Variants in TAAR1 observed in about 807,000 individuals in gnomAD.
TAAR1 encodes the protein trace amine associated receptor 1, also known as trace amine-associated receptor 1.
A neutral mutation model predicts 1.2 loss-of-function variants in TAAR1; 1 was observed. That is an observed-to-expected ratio of 0.81 (90% confidence interval 0.29 to 3.86). The LOEUF (loss-of-function observed/expected upper bound fraction) is 3.86. TAAR1 is among the 30% of genes most tolerant of loss of function. TAAR1 has a pLI of 0.18. For missense variants in TAAR1, 445 were observed against 405.6 expected (o/e 1.10, Z -0.83); for synonymous variants, 153 against 132.2 (o/e 1.16, Z -1.08).
At chr6:132,655,391 T>C (rs1342313146) in intron 1 of TAAR1, among the ~76,000 whole-genome samples, 1 of 130,504 alleles carries the variant, frequency 7.7e-6, no homozygotes. Flanking sequence ...TTTTTTTTTT[T>C]TTTTTTGAAA....
At position 132,644,151 on chromosome 6, in the gene TAAR1, A is replaced by G. The variant is rs1435156106; in HGVS notation, c.*833T>C. Among the ~76,000 whole-genome samples the G allele has an allele frequency of 2.0e-5, 3 of 152,022 alleles. No individual in the cohort carries two copies. Among genetic ancestry groups the G allele is most frequent in the Non-Finnish European group, 2.9e-5 (2 of 67,946 alleles). ...GAATTAACAATAGGGAATGGTTAAA[A>G]ATATATTTGTACATCTGTGCAGTCA... On this transcript the variant is annotated 3_prime_UTR_variant, in exon 2 of 2. Transcript: ENST00000275216.
rs1056270007 is a variant in TAAR1, at chr6:132,645,673, T to C, written c.331A>G (p.Ile111Val). 1.2e-6 allele frequency: 2 copies of C among 1,613,358 alleles called. No individual in the cohort carries two copies. Among genetic ancestry groups the C allele is most frequent in the South Asian group, 2.2e-5 (2 of 91,052 alleles). Residue 111 changes from isoleucine (I) to valine (V), a missense_variant, in exon 2 of 2, where the codon ATT becomes GTT. Transcript: ENST00000275216. Reference protein sequence around the residue: ...STDIMLSSASIFHLSFISIDR... With the variant: ...STDIMLSSASVFHLSFISIDR... ...ATGGAGATGAAAGACAAATGGAAAATGGAGGCTGAGCTCAGCATAATGTCG... is the reference window on the plus strand; with the variant it reads ...ATGGAGATGAAAGACAAATGGAAAACGGAGGCTGAGCTCAGCATAATGTCG...
intron 1 of TAAR1, among the ~76,000 whole-genome samples, chr6:132,656,795 G>GT (rs1220235430): frequency 6.6e-6 from 1 of 152,180 alleles, no homozygotes; most frequent in Admixed American, 6.5e-5. Flanking sequence ...ATAGAATGAG[G>GT]TTAGAAATTA....
At chr6:132,652,214 G>A (rs1358776697) in intron 1 of TAAR1, among the ~76,000 whole-genome samples, 1 of 151,670 alleles carries the variant, frequency 6.6e-6, no homozygotes, top group African/African-American at 2.4e-5. Context: ...AATACTTTTG[G>A]CCTTCAGGTG....
At chr6:132,654,639 T>A (rs1041388067) in intron 1 of TAAR1, among the ~76,000 whole-genome samples, 1 of 152,204 alleles carries the variant, frequency 6.6e-6, no homozygotes, top group Non-Finnish European at 1.5e-5. Context: ...ATTCAAGGGC[T>A]TATAGCACCC....
chr6:132,646,173 C>T (rs1260463549), intron 1 of TAAR1, among the ~76,000 whole-genome samples, 44 bp from the exon 2 acceptor site: 2 of 152,198 alleles, frequency 1.3e-5, no homozygotes, highest in African/African-American at 4.8e-5. Context: ...AATTTGAGTC[C>T]TCTCACTTCT....
intron 1 of TAAR1, among the ~76,000 whole-genome samples, chr6:132,655,021 C>T (rs536102388): frequency 6.6e-6 from 1 of 152,108 alleles, no homozygotes; most frequent in East Asian, 1.9e-4. Context: ...GTCTTCATGA[C>T]CGCCAAAAAA....
In TAAR1 at chr6:132,645,587, A is replaced by T; in HGVS notation, c.417T>A (p.Val139=). 1 of 1,613,714 alleles carries T rather than the reference A, an allele frequency of 6.2e-7. No individual in the cohort carries two copies. The highest frequency in any genetic ancestry group is 1.1e-5 in the South Asian group (1 of 91,068). Residue 139 remains valine (V), a synonymous_variant, in exon 2 of 2, where the codon GTT becomes GTA. Coordinates refer to ENST00000275216, the MANE Select transcript of TAAR1 (RefSeq NM_138327.4). ...AACTAATGAAGATCATCACACAAAT[A>T]ACCAAGATATTCATCTTGGCTTTAT... ...LRYKAKMNIL[V]ICVMIFISWS...
intron 1 of TAAR1, among the ~76,000 whole-genome samples, chr6:132,655,168 A>T (rs950830337): frequency 2.0e-5 from 3 of 152,190 alleles, no homozygotes; most frequent in African/African-American, 7.2e-5. Context: ...ACTTTAAATA[A>T]AATTTAGTAG....
chr6:132,645,306 A>G lies in TAAR1; in HGVS notation c.698T>C (p.Ile233Thr), dbSNP rs374330785. The G allele has an allele frequency of 6.8e-6, 11 of 1,613,616 alleles. No homozygotes were observed. Among genetic ancestry groups the G allele is most frequent in the African/African-American group, 4.0e-5 (3 of 75,008 alleles). The stretch of plus-strand genomic sequence containing the variant: ...AATTCCATTTTTCATTTCCAATCCA[A>G]TTTGGAGCTTCTGATTGGCATCACT... Reference protein sequence around the residue: ...LISDANQKLQIGLEMKNGISQ... With the variant: ...LISDANQKLQTGLEMKNGISQ... The change falls in exon 2 of 2, where the codon ATT becomes ACT. Residue 233 changes from isoleucine to threonine, a missense_variant. Transcript: ENST00000275216.
Position 132,643,939 on chromosome 6 carries a change from T to G in TAAR1, c.*1045A>C, listed in dbSNP as rs1777629902. 6.6e-6 allele frequency among the ~76,000 whole-genome samples: 1 copy of G among 152,006 alleles called. No individual in the cohort carries two copies. The highest frequency in any genetic ancestry group is 2.4e-5 in the African/African-American group (1 of 41,436). On this transcript the variant is annotated 3_prime_UTR_variant, in exon 2 of 2. Transcript: ENST00000275216. The stretch of plus-strand genomic sequence containing the variant: ...TGATGGATGACTGCTTCTCCTTCTG[T>G]GTATTGTGGAGCCCAGCAAAGTGAA...
rs1777639334 is a variant in TAAR1, at chr6:132,644,690, C to T, written c.*294G>A. The stretch of plus-strand genomic sequence containing the variant: ...CACCACTGAACAGCTGACTAAGGTA[C>T]CACAGTAAACTCATGGCAGTTCTTC... On this transcript the variant is annotated 3_prime_UTR_variant, in exon 2 of 2. Transcript: ENST00000275216. Among the ~76,000 whole-genome samples the T allele has an allele frequency of 6.6e-6, 1 of 151,886 alleles. No homozygotes were observed. The highest frequency in any genetic ancestry group is 1.5e-5 in the Non-Finnish European group (1 of 67,940).
chr6:132,648,034 A>T (rs1021075657), intron 1 of TAAR1, among the ~76,000 whole-genome samples: 3 of 152,204 alleles, frequency 2.0e-5, no homozygotes, highest in African/African-American at 7.2e-5. Flanking sequence ...TCATTCCATG[A>T]TAGAAGCTAA....
intron 1 of TAAR1, among the ~76,000 whole-genome samples, chr6:132,655,502 C>T (rs1246476952): frequency 2.0e-5 from 3 of 151,898 alleles, no homozygotes; most frequent in African/African-American, 7.3e-5. Flanking sequence ...GCCTCAGCCC[C>T]CTAAATAGAT....
chr6:132,648,650 A>G (rs556393441), intron 1 of TAAR1, among the ~76,000 whole-genome samples: 29 of 152,322 alleles, frequency 1.9e-4, no homozygotes, highest in African/African-American at 6.3e-4. Flanking sequence ...ACATCATTGT[A>G]TGAGTGCTTT....
At chr6:132,648,816 C>T (rs1352947355) in intron 1 of TAAR1, among the ~76,000 whole-genome samples, 5 of 152,118 alleles carry the variant, frequency 3.3e-5, no homozygotes. Flanking sequence ...TAATTATTAT[C>T]TGTATATACA....
chr6:132,646,344 T>C (rs183983751), intron 1 of TAAR1, among the ~76,000 whole-genome samples: 63 of 152,294 alleles, frequency 4.1e-4, no homozygotes, highest in African/African-American at 1.3e-3. Context: ...GGTTGAACTA[T>C]ATGAAACTGC....
intron 1 of TAAR1, among the ~76,000 whole-genome samples, chr6:132,651,364 GA>G (rs1441282528): frequency 6.6e-6 from 1 of 152,028 alleles, no homozygotes; most frequent in African/African-American, 2.4e-5. Context: ...CTGAACTCTG[GA>G]CTAGTATTTC....
At chr6:132,657,099 A>T (rs1777811917) in intron 1 of TAAR1, among the ~76,000 whole-genome samples, 1 of 152,190 alleles carries the variant, frequency 6.6e-6, no homozygotes, top group Non-Finnish European at 1.5e-5. Flanking sequence ...AATGAAAAAC[A>T]AATAAATTTC....
Sources: gnomAD v4.1 joint callset for allele counts (sites outside exome capture counted in the v4.1 genomes callset) on GRCh38, gnomAD v4.1.1 for gene constraint, MANE v1.5 for transcripts, NCBI Gene and HGNC (gene_info 2026-07-23, HGNC 2026-07-21) for gene names.